Variants in LRFN5 observed in about 807,000 individuals in gnomAD.
LRFN5 encodes leucine rich repeat and fibronectin type III domain containing 5, also known as leucine-rich repeat and fibronectin type-III domain-containing protein 5.
In LRFN5, 24 loss-of-function variants were observed where a neutral mutation model predicts 45.6. That is an observed-to-expected ratio of 0.53 (90% CI 0.38 to 0.74). The LOEUF (loss-of-function observed/expected upper bound fraction) is 0.74, where lower values mean the gene tolerates loss of function less well. Among genes scored for constraint, LRFN5 ranks in the 30% least tolerant of loss-of-function variants. The pLI is 0.00. For missense variants in LRFN5, 776 were observed against 861.5 expected (o/e 0.90, Z 1.24); for synonymous variants, 340 against 313.8 (o/e 1.08, Z -0.88).
intron 1 of LRFN5, among the ~76,000 whole-genome samples, chr14:41,683,960 G>C (rs1348868546): frequency 6.6e-6 from 1 of 152,062 alleles, no homozygotes; most frequent in East Asian, 1.9e-4. Context: ...CCAAAATTAT[G>C]TGGAACCTCA....
At chr14:41,896,861 G>A (rs1451826084) in intron 4 of LRFN5, among the ~76,000 whole-genome samples, 1 of 152,016 alleles carries the variant, frequency 6.6e-6, no homozygotes, top group Non-Finnish European at 1.5e-5. Flanking sequence ...GGGATGCCAA[G>A]GCAGGCAGAT....
At chr14:41,837,404 AC>A (rs1888701226) in intron 2 of LRFN5, among the ~76,000 whole-genome samples, 1 of 152,102 alleles carries the variant, frequency 6.6e-6, no homozygotes, top group East Asian at 1.9e-4. Flanking sequence ...GACAGAATCT[AC>A]TTCCATTGGC....
At chr14:41,726,766 A>T (rs1883953933) in intron 1 of LRFN5, among the ~76,000 whole-genome samples, 1 of 152,174 alleles carries the variant, frequency 6.6e-6, no homozygotes, top group African/African-American at 2.4e-5. Context: ...AAACATACAT[A>T]TTTACTAAAA....
chr14:41,642,939 T>G (rs1045304748), intron 1 of LRFN5, among the ~76,000 whole-genome samples: 3 of 152,180 alleles, frequency 2.0e-5, no homozygotes, highest in Admixed American at 6.5e-5. Flanking sequence ...ACTTGTACAC[T>G]GTTACTTCAT....
At chr14:41,721,395 G>A (rs944423335) in intron 1 of LRFN5, among the ~76,000 whole-genome samples, 12 of 152,090 alleles carry the variant, frequency 7.9e-5, no homozygotes, top group Non-Finnish European at 1.3e-4. Context: ...GATATGTGAG[G>A]TTTAATCTTG....
In LRFN5 at chr14:41,895,552, G is replaced by A. The variant is rs561241606; in HGVS notation, c.2099-3365G>A. Among the ~76,000 whole-genome samples, 3 of 152,216 alleles carry A rather than the reference G, an allele frequency of 2.0e-5. No individual in the cohort carries two copies. In the South Asian group the frequency reaches 6.2e-4, roughly 32 times the overall value. On this transcript the variant is annotated intron_variant, in intron 4 of 5. Transcript: ENST00000298119. ...AGGTGGGAAAATCGCTTGAGCCTGGGAGGTGGAGGTGGCAGTGAACTGACA... is the reference window on the plus strand; with the variant it reads ...AGGTGGGAAAATCGCTTGAGCCTGGAAGGTGGAGGTGGCAGTGAACTGACA...
chr14:41,717,733 C>T (rs1463709021), intron 1 of LRFN5, among the ~76,000 whole-genome samples: 2 of 152,186 alleles, frequency 1.3e-5, no homozygotes, highest in Non-Finnish European at 1.5e-5. Flanking sequence ...TGACATTTTA[C>T]ATACTGTATA....
chr14:41,803,654 A>C (rs1887418057), intron 2 of LRFN5, among the ~76,000 whole-genome samples: 1 of 151,926 alleles, frequency 6.6e-6, no homozygotes, highest in Admixed American at 6.6e-5. Flanking sequence ...GCCCAAATAC[A>C]CTTTTAGTTA....
chr14:41,691,771 A>T (rs1473242834), intron 1 of LRFN5, among the ~76,000 whole-genome samples: 2 of 152,024 alleles, frequency 1.3e-5, no homozygotes, highest in African/African-American at 4.8e-5. Context: ...CCCATTCCTT[A>T]CTATTCCCAG....
chr14:41,734,316 T>TTATATGTATATATATATATATA, intron 1 of LRFN5, among the ~76,000 whole-genome samples: 1 of 38,798 alleles, frequency 2.6e-5, no homozygotes, highest in Non-Finnish European at 6.9e-5. Flanking sequence ...TGGACTGGTT[T>TTATATGTATATATATATATATA]TATATATATA....
chr14:41,843,647 C>T (rs1029802673), intron 2 of LRFN5, among the ~76,000 whole-genome samples: 2 of 151,974 alleles, frequency 1.3e-5, no homozygotes, highest in Admixed American at 1.3e-4. Context: ...TATACTGTTG[C>T]TCCAGCACCA....
chr14:41,641,876 T>G (rs2166751), intron 1 of LRFN5, among the ~76,000 whole-genome samples: 15,967 of 152,112 alleles, frequency 0.1, 1,809 homozygotes, highest in East Asian at 0.29. Flanking sequence ...ATTTCTCCTT[T>G]TTGAAAATGA....
chr14:41,778,822 C>T (rs1214507111), intron 2 of LRFN5, among the ~76,000 whole-genome samples: 1 of 151,698 alleles, frequency 6.6e-6, no homozygotes, highest in African/African-American at 2.4e-5. Flanking sequence ...AATTGTTGTA[C>T]ATGTGCACAA....
chr14:41,762,264 A>C (rs535122634), intron 1 of LRFN5, among the ~76,000 whole-genome samples: 1 of 152,188 alleles, frequency 6.6e-6, no homozygotes, highest in East Asian at 1.9e-4. Flanking sequence ...GGTCAGCAAG[A>C]TTTATGCTTT....
intron 2 of LRFN5, among the ~76,000 whole-genome samples, chr14:41,775,758 C>T (rs555120988): frequency 6.6e-6 from 1 of 152,066 alleles, no homozygotes; most frequent in Non-Finnish European, 1.5e-5. Flanking sequence ...AGAACCCTCT[C>T]GTTATAAAAA....
intron 2 of LRFN5, among the ~76,000 whole-genome samples, chr14:41,860,296 C>A (rs370458307): frequency 6.6e-6 from 1 of 152,074 alleles, no homozygotes; most frequent in South Asian, 2.1e-4. Context: ...ATTTCATTTG[C>A]TTTATTTATA....
At chr14:41,626,618 T>A (rs1888343844) in intron 1 of LRFN5, among the ~76,000 whole-genome samples, 1 of 152,080 alleles carries the variant, frequency 6.6e-6, no homozygotes, top group African/African-American at 2.4e-5. Flanking sequence ...GTTATGTTTA[T>A]GGAGACAGGA....
chr14:41,683,057 A>G (rs1270640739), intron 1 of LRFN5, among the ~76,000 whole-genome samples: 3 of 152,208 alleles, frequency 2.0e-5, no homozygotes, highest in Admixed American at 1.3e-4. Context: ...CTGAACATTG[A>G]TATGAAAATC....
chr14:41,737,425 C>A (rs190676860), intron 1 of LRFN5, among the ~76,000 whole-genome samples: 5 of 152,028 alleles, frequency 3.3e-5, no homozygotes, highest in African/African-American at 1.2e-4. Context: ...GGAAGCATTT[C>A]CTTTGAAAAC....
Sources: gnomAD v4.1 joint callset for allele counts (sites outside exome capture counted in the v4.1 genomes callset) on GRCh38, gnomAD v4.1.1 for gene constraint, MANE v1.5 for transcripts, NCBI Gene and HGNC (gene_info 2026-07-23, HGNC 2026-07-21) for gene names.